Variants in SERPINI2 observed in about 807,000 individuals in gnomAD.
SERPINI2 encodes serpin I2.
A neutral mutation model predicts 47.3 loss-of-function variants in SERPINI2; 48 were observed. The ratio of observed to expected loss-of-function variants is 1.02; its 90% confidence interval spans 0.81 to 1.29. The LOEUF (loss-of-function observed/expected upper bound fraction) is 1.29, where lower values mean the gene tolerates loss of function less well. Among genes scored for constraint, SERPINI2 ranks in the 50% most tolerant of loss-of-function variants. SERPINI2 has a pLI of 0.00. For synonymous variants in SERPINI2, 135 were observed against 149.3 expected (o/e 0.90, Z 0.70); for missense variants, 448 against 456.9 (o/e 0.98, Z 0.18).
At chr3:167,472,708 A>G (rs561925028) in intron 1 of SERPINI2, among the ~76,000 whole-genome samples, 2 of 152,004 alleles carry the variant, frequency 1.3e-5, no homozygotes, top group South Asian at 4.1e-4. Context: ...AAAACCATAA[A>G]CAATTCACAA....
chr3:167,460,866 T>C (rs987031255), intron 5 of SERPINI2, among the ~76,000 whole-genome samples: 10 of 152,212 alleles, frequency 6.6e-5, no homozygotes, highest in African/African-American at 2.4e-4. Context: ...AATACTCATT[T>C]AGCACATACT....
chr3:167,473,160 G>A (rs575375856), intron 1 of SERPINI2, among the ~76,000 whole-genome samples: 45 of 151,660 alleles, frequency 3.0e-4, no homozygotes, highest in Admixed American at 1.5e-3. Flanking sequence ...TTGTTAAACT[G>A]TATTTGTTTA....
intron 6 of SERPINI2, among the ~76,000 whole-genome samples, chr3:167,451,050 A>G (rs773273977): frequency 4.6e-5 from 7 of 152,230 alleles, no homozygotes; most frequent in Non-Finnish European, 1.0e-4. Context: ...TTAAGAGAAC[A>G]AGAAAACAAT....
intron 8 of SERPINI2, among the ~76,000 whole-genome samples, chr3:167,442,904 G>A (rs538444210): frequency 2.0e-5 from 3 of 152,142 alleles, no homozygotes; most frequent in South Asian, 4.2e-4. Context: ...CCTTATGCTC[G>A]GATGTCATAA....
intron 2 of SERPINI2, among the ~76,000 whole-genome samples, chr3:167,470,979 C>A (rs141075318): frequency 1.1e-3 from 169 of 151,918 alleles, no homozygotes; most frequent in African/African-American, 3.9e-3. Context: ...TATTTAAATC[C>A]TTTTTTTTCC....
intron 5 of SERPINI2, among the ~76,000 whole-genome samples, chr3:167,456,666 C>T (rs933195600): frequency 1.7e-4 from 26 of 152,138 alleles, no homozygotes; most frequent in African/African-American, 5.6e-4. Flanking sequence ...AGTATTGGCT[C>T]AGCCATTAAT....
intron 5 of SERPINI2, among the ~76,000 whole-genome samples, chr3:167,455,291 T>G (rs1312316078): frequency 6.6e-6 from 1 of 152,160 alleles, no homozygotes; most frequent in Non-Finnish European, 1.5e-5. Flanking sequence ...AGTAATTCAC[T>G]CCCAAATGTA....
intron 8 of SERPINI2, among the ~76,000 whole-genome samples, chr3:167,445,225 A>ATAATATCAGTATCGC: frequency 6.6e-6 from 1 of 152,188 alleles, no homozygotes. Context: ...TACTGGGCCA[A>ATAATATCAGTATCGC]TAATATCAGT....
exon 4 of SERPINI2, chr3:167,465,624 C>T (rs767801515): frequency 6.2e-6 from 10 of 1,612,564 alleles, no homozygotes; most frequent in South Asian, 3.3e-5. Flanking sequence ...CCAGGACAAG[C>T]CGAGTCAGAG....
intron 7 of SERPINI2, among the ~76,000 whole-genome samples, chr3:167,448,198 G>A (rs1034141588): frequency 1.3e-5 from 2 of 152,144 alleles, no homozygotes; most frequent in African/African-American, 4.8e-5. Flanking sequence ...AAGGAAATAT[G>A]GCCTAGAAGA....
intron 2 of SERPINI2, among the ~76,000 whole-genome samples, chr3:167,470,579 T>TTTTTTTTTTC (rs1750282022): frequency 3.8e-4 from 45 of 119,858 alleles, no homozygotes; most frequent in African/African-American, 1.4e-3. Flanking sequence ...TTTTTTTTTT[T>TTTTTTTTTTC]GGAGAAGGAG....
chr3:167,441,938 A>G (rs1331445068), exon 9 of SERPINI2: 1 of 473,680 alleles, frequency 2.1e-6, no homozygotes, highest in African/African-American at 2.0e-5. Context: ...AGGAATGGAA[A>G]CAAATGCATA....
At chr3:167,458,111 T>C (rs1051559541) in intron 5 of SERPINI2, among the ~76,000 whole-genome samples, 1 of 152,214 alleles carries the variant, frequency 6.6e-6, no homozygotes, top group South Asian at 2.1e-4. Context: ...CCAACTCAAG[T>C]CCTTCTTTCA....
intron 3 of SERPINI2, 21 bp downstream of exon 3, chr3:167,467,034 T>C (rs1226031217): frequency 1.3e-6 from 2 of 1,543,542 alleles, no homozygotes; most frequent in African/African-American, 2.8e-5. Context: ...ATAATAATTT[T>C]ATGAAAATGG....
At chr3:167,444,559 C>A (rs912442916) in intron 8 of SERPINI2, among the ~76,000 whole-genome samples, 1 of 152,106 alleles carries the variant, frequency 6.6e-6, no homozygotes, top group African/African-American at 2.4e-5. Flanking sequence ...TCAATGATTT[C>A]TTGAGTTCAT....
intron 5 of SERPINI2, among the ~76,000 whole-genome samples, chr3:167,461,331 T>C (rs1560234210): frequency 6.6e-6 from 1 of 152,238 alleles, no homozygotes; most frequent in Non-Finnish European, 1.5e-5. Flanking sequence ...TGAGATACTG[T>C]AACTGAAACT....
At chr3:167,465,626 G>T in exon 4 of SERPINI2, 2 of 1,611,788 alleles carry the variant, frequency 1.2e-6, no homozygotes, top group Non-Finnish European at 1.7e-6. Context: ...AGGACAAGCC[G>T]AGTCAGAGGG....
At chr3:167,448,237 A>T (rs1424017312) in intron 7 of SERPINI2, among the ~76,000 whole-genome samples, 2 of 152,232 alleles carry the variant, frequency 1.3e-5, no homozygotes, top group Non-Finnish European at 2.9e-5. Flanking sequence ...TGTACATACA[A>T]ATTTCCTAGT....
intron 5 of SERPINI2, among the ~76,000 whole-genome samples, chr3:167,453,843 A>G (rs902776161): frequency 2.6e-5 from 4 of 150,982 alleles, no homozygotes; most frequent in Non-Finnish European, 5.9e-5. Context: ...AGTCAAAAGC[A>G]ATCACTGAAC....
Sources: allele counts gnomAD v4.1 joint callset (sites outside exome capture counted in the v4.1 genomes callset), GRCh38; gene constraint gnomAD v4.1.1; transcripts MANE v1.5; gene names NCBI Gene and HGNC (gene_info 2026-07-23, HGNC 2026-07-21).